The following ESR2 variants were observed in gnomAD, a reference collection of about 807,000 sequenced individuals.
The protein encoded by ESR2 is estrogen receptor 2.
In ESR2, 36 loss-of-function variants were observed where a neutral mutation model predicts 49.6. That is an observed-to-expected ratio of 0.73 (90% CI 0.56 to 0.96). The LOEUF is 0.96. ESR2 is among the 40% of genes least tolerant of loss of function. The pLI, the probability that ESR2 is intolerant of heterozygous loss-of-function variation, is 0.00. For missense variants in ESR2, 714 were observed against 693.0 expected, an observed-to-expected ratio of 1.03 and a Z score of -0.34; for synonymous variants, 320 against 266.1, an observed-to-expected ratio of 1.20 and a Z score of -1.97.
intron 1 of ESR2, among the ~76,000 whole-genome samples, chr14:64,317,551 C>T (rs921101803): frequency 6.6e-6 from 1 of 152,148 alleles, no homozygotes; most frequent in Non-Finnish European, 1.5e-5. Flanking sequence ...ATCGTGAGGA[C>T]AGCACCAAGC....
At chr14:64,324,295 A>G (rs3020444) in intron 1 of ESR2, among the ~76,000 whole-genome samples, 54,617 of 151,964 alleles carry the variant, frequency 0.36, 10,519 homozygotes, top group African/African-American at 0.49. Flanking sequence ...ATATGTACAC[A>G]GTGAAAAAAC....
downstream of ESR2, chr14:64,227,402 T>A: frequency 2.9e-6 from 3 of 1,050,234 alleles, no homozygotes; most frequent in Non-Finnish European, 4.1e-6. Flanking sequence ...TTTAACCACA[T>A]AACTAACTTC....
At chr14:64,237,705 C>G (rs565292284) in intron 7 of ESR2, among the ~76,000 whole-genome samples, 4 of 152,134 alleles carry the variant, frequency 2.6e-5, no homozygotes, top group Admixed American at 6.5e-5. Flanking sequence ...TATTCAGCTA[C>G]GAAAAGGAAT....
chr14:64,288,993 A>AG lies in ESR2; in HGVS notation c.-91+5039_-91+5040insC, dbSNP rs1183219538. ...AAGAGCAAAACTCTGTCTCAAAAAA[A>AG]AAAAAAAAAAAAAGGTCAGCCACCA... On this transcript the variant is annotated intron_variant, in intron 1 of 8. Transcript: ENST00000341099. 3.3e-5 allele frequency among the ~76,000 whole-genome samples: 5 copies of AG among 151,676 alleles called. No individual in the cohort carries two copies. The East Asian group carries it at 7.8e-4, about 24-fold the overall frequency.
intron 1 of ESR2, among the ~76,000 whole-genome samples, chr14:64,302,311 C>A (rs1044563453): frequency 6.6e-6 from 1 of 151,812 alleles, no homozygotes; most frequent in Non-Finnish European, 1.5e-5. Flanking sequence ...CTCGGCCTCC[C>A]AAATAGCTGG....
chr14:64,266,485 A>T (rs1397189655), intron 4 of ESR2, among the ~76,000 whole-genome samples: 1 of 152,252 alleles, frequency 6.6e-6, no homozygotes, highest in East Asian at 1.9e-4. Flanking sequence ...TGAGGGCAAT[A>T]GCTGTGCAAC....
intron 1 of ESR2, among the ~76,000 whole-genome samples, chr14:64,314,877 C>CAAAA (rs1179436563): frequency 3.4e-4 from 7 of 20,502 alleles, no homozygotes; most frequent in Admixed American, 2.8e-3. Flanking sequence ...GACTCCGTCT[C>CAAAA]AAAAAAAAAA....
intron 4 of ESR2, 103 bp from the exon 5 acceptor site, chr14:64,260,851 G>GATT: frequency 9.0e-7 from 1 of 1,108,772 alleles, no homozygotes; most frequent in South Asian, 2.0e-5. Flanking sequence ...ACGTACCAAA[G>GATT]ATTACTATGG....
At chr14:64,279,844 CAT>C in intron 3 of ESR2, 135 bp downstream of exon 3, 1 of 742,976 alleles carries the variant, frequency 1.3e-6, no homozygotes, top group Non-Finnish European at 2.3e-6. Context: ...TCCAAACACA[CAT>C]GATCCTCTGA....
chr14:64,329,204 G>A (rs1216941212), intron 1 of ESR2, among the ~76,000 whole-genome samples: 1 of 152,088 alleles, frequency 6.6e-6, no homozygotes, highest in Non-Finnish European at 1.5e-5. Context: ...GGAGGGGTAA[G>A]TACAAGGATC....
downstream of ESR2, chr14:64,227,545 C>T (rs766292098): frequency 1.1e-5 from 17 of 1,614,092 alleles, no homozygotes; most frequent in Admixed American, 5.0e-5. Context: ...ACTGCTCCAT[C>T]GTTGCTTCAG....
At chr14:64,227,366 G>A, downstream of ESR2, 1 of 708,478 alleles carries the variant, frequency 1.4e-6, no homozygotes, top group Non-Finnish European at 2.3e-6. Flanking sequence ...CAAATTGTTG[G>A]ATTGATAATA....
intron 7 of ESR2, among the ~76,000 whole-genome samples, chr14:64,241,132 C>A (rs575057080): frequency 3.5e-5 from 4 of 115,254 alleles, no homozygotes; most frequent in African/African-American, 1.5e-4. Context: ...GGCCACAGAG[C>A]GAGACTCCGT....
At chr14:64,292,764 ATATC>A (rs1318391452) in intron 1 of ESR2, among the ~76,000 whole-genome samples, 1 of 152,216 alleles carries the variant, frequency 6.6e-6, no homozygotes, top group East Asian at 1.9e-4. Context: ...GAACATATCA[ATATC>A]TATTAAATGT....
intron 1 of ESR2, among the ~76,000 whole-genome samples, chr14:64,313,588 A>G (rs2077210023): frequency 6.6e-6 from 1 of 151,180 alleles, no homozygotes; most frequent in Non-Finnish European, 1.5e-5. Flanking sequence ...AGAAAGAAAG[A>G]AAAGAAAAAA....
At position 64,232,959 on chromosome 14, in the gene ESR2, C is replaced by T; in HGVS notation, c.*178G>A. On this transcript the variant is annotated 3_prime_UTR_variant, in exon 9 of 9. Coordinates refer to ENST00000341099, the MANE Select transcript of ESR2 (RefSeq NM_001437.3). ...CCTCTGCTAACAAGGGAAACTATGG[C>T]TTCCTCACACCGACTCCTGAGAGTT... is the stretch of plus-strand genomic sequence containing the variant. 7.5e-7 allele frequency: 1 copy of T among 1,327,778 alleles called. No individual in the cohort carries two copies. Among genetic ancestry groups the T allele is most frequent in the Non-Finnish European group, 9.8e-7 (1 of 1,019,592 alleles). The allele number at this position is 1,327,778 out of a possible 1,614,324, so 82.2% of individuals were successfully genotyped here.
At chr14:64,259,877 A>T (rs915420024) in intron 5 of ESR2, among the ~76,000 whole-genome samples, 26 of 152,092 alleles carry the variant, frequency 1.7e-4, no homozygotes, top group Non-Finnish European at 4.4e-5. Context: ...ACTGTACTCT[A>T]CCCCACCCCT....
At chr14:64,294,920 C>G (rs371674858), upstream of ESR2, among the ~76,000 whole-genome samples, 14 of 152,314 alleles carry the variant, frequency 9.2e-5, no homozygotes, top group African/African-American at 3.4e-4. Context: ...CAGGTACTTC[C>G]TCGAACTCAC....
At chr14:64,282,332 G>A (rs982489957) in intron 2 of ESR2, among the ~76,000 whole-genome samples, 15 of 152,128 alleles carry the variant, frequency 9.9e-5, no homozygotes, top group South Asian at 2.1e-4. Context: ...GTGACAGAGC[G>A]AGACCCTGTC....
Sources: gnomAD v4.1 joint callset for allele counts (sites outside exome capture counted in the v4.1 genomes callset) on GRCh38, gnomAD v4.1.1 for gene constraint, MANE v1.5 for transcripts, NCBI Gene and HGNC (gene_info 2026-07-23, HGNC 2026-07-21) for gene names.